The following ASAP1 variants were observed in gnomAD, a reference collection of about 807,000 sequenced individuals.
The protein encoded by ASAP1 is ArfGAP with SH3 domain, ankyrin repeat and PH domain 1.
Under a neutral mutation model 145.2 loss-of-function variants are expected in ASAP1, and 43 were observed. That is an observed-to-expected ratio of 0.30 (90% confidence interval 0.23 to 0.38). The LOEUF is 0.38. ASAP1 is among the 10% of genes least tolerant of loss of function. The pLI, the probability that ASAP1 is intolerant of heterozygous loss-of-function variation, is 1.00. For missense variants in ASAP1, 1,018 were observed against 1,355.3 expected, an observed-to-expected ratio of 0.75 and a Z score of 3.91; for synonymous variants, 546 against 515.5, an observed-to-expected ratio of 1.06 and a Z score of -0.80.
At chr8:130,056,701 G>A (rs191840583) in intron 29 of ASAP1, among the ~76,000 whole-genome samples, 1 of 152,316 alleles carries the variant, frequency 6.6e-6, no homozygotes, top group East Asian at 1.9e-4. Context: ...ATATACATAT[G>A]TATTTCTGGG....
chr8:130,244,835 C>T (rs906494722), intron 3 of ASAP1, among the ~76,000 whole-genome samples: 3 of 152,092 alleles, frequency 2.0e-5, no homozygotes, highest in South Asian at 2.1e-4. Context: ...GAGGAGAAGA[C>T]GCCCATGGCA....
chr8:130,167,489 G>A (rs2097682346), intron 11 of ASAP1, 47 bp downstream of exon 11: 1 of 1,474,816 alleles, frequency 6.8e-7, no homozygotes, highest in Non-Finnish European at 9.5e-7. Context: ...ATTACAAGCA[G>A]CCTTACCTAC....
chr8:130,146,662 G>A (rs1225806221), intron 13 of ASAP1, among the ~76,000 whole-genome samples: 1 of 152,152 alleles, frequency 6.6e-6, no homozygotes, highest in African/African-American at 2.4e-5. Flanking sequence ...CCTGTTTCCT[G>A]TATGTGCTTT....
intron 15 of ASAP1, among the ~76,000 whole-genome samples, chr8:130,132,221 G>C (rs1039232148): frequency 2.0e-5 from 3 of 152,176 alleles, no homozygotes; most frequent in African/African-American, 7.2e-5. Flanking sequence ...CCTACTTTCT[G>C]GGGTTGTGAG....
intron 3 of ASAP1, among the ~76,000 whole-genome samples, chr8:130,321,567 C>A (rs1275514752): frequency 1.3e-5 from 2 of 152,046 alleles, no homozygotes. Context: ...GGGGGTGCAT[C>A]CTAAAGCACT....
At chr8:130,114,731 A>C (rs939276456) in intron 23 of ASAP1, among the ~76,000 whole-genome samples, 1 of 151,374 alleles carries the variant, frequency 6.6e-6, no homozygotes, top group Non-Finnish European at 1.5e-5. Flanking sequence ...ATAAATAACA[A>C]CTGTTATTTA....
At chr8:130,219,600 T>C (rs1405124967) in intron 4 of ASAP1, among the ~76,000 whole-genome samples, 4 of 152,182 alleles carry the variant, frequency 2.6e-5, no homozygotes, top group South Asian at 2.1e-4. Flanking sequence ...AGATCTTTAC[T>C]ACATGCGAGT....
At chr8:130,099,856 T>A (rs1418916272) in intron 24 of ASAP1, among the ~76,000 whole-genome samples, 1 of 152,028 alleles carries the variant, frequency 6.6e-6, no homozygotes, top group Admixed American at 6.6e-5. Context: ...TTTCATTCAT[T>A]TTTATGGGAA....
intron 4 of ASAP1, among the ~76,000 whole-genome samples, chr8:130,227,024 T>C (rs569056645): frequency 7.1e-4 from 108 of 152,342 alleles, no homozygotes; most frequent in Non-Finnish European, 1.2e-3. Flanking sequence ...CATATTTAAC[T>C]ACTAATTCAC....
At chr8:130,093,741 C>G (rs182145698) in intron 24 of ASAP1, among the ~76,000 whole-genome samples, 1 of 149,324 alleles carries the variant, frequency 6.7e-6, no homozygotes, top group Non-Finnish European at 1.5e-5. Flanking sequence ...TAGTAGATAC[C>G]TAGTAATCCA....
At position 130,058,059 on chromosome 8, in the gene ASAP1, C is replaced by T; in HGVS notation, c.3210G>A (p.Arg1070=). The change falls in exon 29 of 30, where the codon AGG becomes AGA. Residue 1070 remains arginine (R), a synonymous_variant. Coordinates refer to ENST00000518721, the MANE Select transcript of ASAP1 (RefSeq NM_018482.4). ...RKINTGKNKV[R]RVKTIYDCQA... ...GGCAGTCATAAATGGTCTTCACTCG[C>T]CTCACTTTATTTTTCCCCTTAAAGA... 13 of 1,613,750 alleles carry T rather than the reference C, an allele frequency of 8.1e-6. No homozygotes were observed. Among genetic ancestry groups the T allele is most frequent in the Non-Finnish European group, 1.1e-5 (13 of 1,179,624 alleles).
At chr8:130,248,368 A>G (rs1342036217) in intron 3 of ASAP1, among the ~76,000 whole-genome samples, 1 of 152,170 alleles carries the variant, frequency 6.6e-6, no homozygotes, top group Non-Finnish European at 1.5e-5. Flanking sequence ...GGTGGAGTAG[A>G]CAGAGAACAA....
intron 1 of ASAP1, among the ~76,000 whole-genome samples, chr8:130,422,055 G>T (rs1250303631): frequency 1.3e-5 from 2 of 152,190 alleles, no homozygotes; most frequent in Non-Finnish European, 2.9e-5. Flanking sequence ...CAAGAAGGTG[G>T]TCAATTCTAC....
At position 130,432,088 on chromosome 8, in the gene ASAP1, G is replaced by C. The variant is rs377065744; in HGVS notation, c.-28+11372C>G. Among the ~76,000 whole-genome samples, 7 of 108,902 alleles carry C rather than the reference G, an allele frequency of 6.4e-5. No homozygotes were observed. The East Asian group carries it at 1.1e-3, about 17-fold the overall frequency. The allele number at this position is 108,902 out of a possible 152,430, so 71.4% of individuals were successfully genotyped here. A position where few individuals can be genotyped will look rare whatever the true frequency, so the allele number is the denominator to read the frequency against. On this transcript the variant is annotated intron_variant, in intron 1 of 29. Transcript: ENST00000518721. Reference sequence around the variant, plus strand: ...GGAAAGGAGGAGGGGGAGGGGGAAGGGGGAGGAAAGGGAAGAGGGGGAGAG... The same window carrying C: ...GGAAAGGAGGAGGGGGAGGGGGAAGCGGGAGGAAAGGGAAGAGGGGGAGAG...
At chr8:130,106,562 C>T (rs139587082) in intron 24 of ASAP1, among the ~76,000 whole-genome samples, 66 of 152,376 alleles carry the variant, frequency 4.3e-4, no homozygotes, top group Non-Finnish European at 8.2e-4. Context: ...TCAACTATCA[C>T]ACCTGTGGAC....
rs192321770 is a variant in ASAP1 at position 130,080,924 on chromosome 8, T to C, written c.2573-953A>G. Among the ~76,000 whole-genome samples the C allele has an allele frequency of 7.2e-4, 109 of 152,306 alleles. 1 individual carries two copies. The highest frequency in any genetic ancestry group is 2.4e-3 in the Admixed American group (37 of 15,302). ...CTGGGATTACAGGCATAAGCCACCATACCCGGCCAAGTATTAACATTTATT... is the reference window on the plus strand; with the variant it reads ...CTGGGATTACAGGCATAAGCCACCACACCCGGCCAAGTATTAACATTTATT... On this transcript the variant is annotated intron_variant, in intron 25 of 29. Transcript: ENST00000518721.
intron 4 of ASAP1, among the ~76,000 whole-genome samples, chr8:130,220,156 GAAATCTGGTCT>G (rs1395870616): frequency 1.3e-5 from 2 of 152,076 alleles, no homozygotes; most frequent in African/African-American, 4.8e-5. Flanking sequence ...ATATGAGAAT[GAAATCTGGTCT>G]AGTTTTAAAA....
chr8:130,159,102 G>A (rs886768442), intron 12 of ASAP1, among the ~76,000 whole-genome samples: 1 of 152,130 alleles, frequency 6.6e-6, no homozygotes, highest in Non-Finnish European at 1.5e-5. Flanking sequence ...AAGAATGAGC[G>A]ATACAAAGAG....
chr8:130,253,413 G>C (rs62525919), intron 3 of ASAP1, among the ~76,000 whole-genome samples: 1 of 152,014 alleles, frequency 6.6e-6, no homozygotes, highest in Non-Finnish European at 1.5e-5. Context: ...AGATGCATAC[G>C]CTTTGATTTT....
Sources: allele counts gnomAD v4.1 joint callset (sites outside exome capture counted in the v4.1 genomes callset), GRCh38; gene constraint gnomAD v4.1.1; transcripts MANE v1.5; gene names NCBI Gene and HGNC (gene_info 2026-07-23, HGNC 2026-07-21).